ACKR2: variants seen among roughly 807,000 people sequenced by gnomAD.
ACKR2 encodes atypical chemokine receptor 2.
For synonymous variants in ACKR2, 207 were observed against 192.2 expected (o/e 1.08, Z -0.64); for missense variants, 457 against 477.3 (o/e 0.96, Z 0.40).
At chr3:42,831,466 G>T (rs1246435571) in intron 2 of ACKR2, among the ~76,000 whole-genome samples, 2 of 152,166 alleles carry the variant, frequency 1.3e-5, no homozygotes, top group African/African-American at 4.8e-5. Context: ...AATTTCATTG[G>T]CCAATGGCAG....
intron 2 of ACKR2, among the ~76,000 whole-genome samples, chr3:42,820,812 C>A (rs1227424744): frequency 6.7e-6 from 1 of 149,950 alleles, no homozygotes; most frequent in Non-Finnish European, 1.5e-5. Flanking sequence ...GGCAGTGGGA[C>A]TGGGCTAAGG....
At chr3:42,820,972 C>T (rs1351687936) in intron 2 of ACKR2, among the ~76,000 whole-genome samples, 1 of 151,854 alleles carries the variant, frequency 6.6e-6, no homozygotes, top group Non-Finnish European at 1.5e-5. Flanking sequence ...GCCATGTCCG[C>T]CTCCCAGGTT....
At chr3:42,820,592 CAAAAAAAAA>C (rs749184218) in intron 2 of ACKR2, among the ~76,000 whole-genome samples, 20 of 69,796 alleles carry the variant, frequency 2.9e-4, no homozygotes, top group African/African-American at 6.3e-4. Context: ...GACTCTGTCT[CAAAAAAAAA>C]AAAAAAAAAG....
chr3:42,848,798 A>G (rs1046903951), intron 2 of ACKR2, among the ~76,000 whole-genome samples: 5 of 152,226 alleles, frequency 3.3e-5, no homozygotes, highest in South Asian at 4.1e-4. Flanking sequence ...CAAAGTTAAC[A>G]TTGCCAGGAA....
At chr3:42,821,369 C>T (rs964964738) in intron 2 of ACKR2, among the ~76,000 whole-genome samples, 1 of 152,196 alleles carries the variant, frequency 6.6e-6, no homozygotes, top group Non-Finnish European at 1.5e-5. Flanking sequence ...CTGCAATACG[C>T]CAACAGCACA....
intron 1 of ACKR2, among the ~76,000 whole-genome samples, chr3:42,810,407 ACC>A (rs71941559): frequency 6.9e-6 from 1 of 145,802 alleles, no homozygotes; most frequent in African/African-American, 2.5e-5. Flanking sequence ...AATTCATAGT[ACC>A]CCCCCCCAAT....
intron 2 of ACKR2, chr3:42,856,152 AG>A: frequency 2.0e-6 from 1 of 502,054 alleles, no homozygotes; most frequent in Admixed American, 3.7e-5. Flanking sequence ...AGGAGAGGAC[AG>A]GAAGACCAGC....
intron 2 of ACKR2, among the ~76,000 whole-genome samples, chr3:42,861,073 A>G (rs959101755): frequency 1.3e-5 from 2 of 152,222 alleles, no homozygotes; most frequent in African/African-American, 2.4e-5. Flanking sequence ...TGAATCCAGG[A>G]GCTGGTTTTT....
In ACKR2 at chr3:42,860,538, C is replaced by T. The variant is rs572305803; in HGVS notation, c.-37-3928C>T. On this transcript the variant is annotated intron_variant, in intron 2 of 2. Coordinates refer to ENST00000422265, the MANE Select transcript of ACKR2 (RefSeq NM_001296.5). ...TACAGAACTCTCCACCCTAAATCAACAGAATATACATTCTTCTCAGCATCC... is the reference window on the plus strand; with the variant it reads ...TACAGAACTCTCCACCCTAAATCAATAGAATATACATTCTTCTCAGCATCC... 2.6e-5 allele frequency among the ~76,000 whole-genome samples: 4 copies of T among 152,304 alleles called. No individual in the cohort carries two copies. In the South Asian group the frequency reaches 6.2e-4, roughly 24 times the overall value.
intron 2 of ACKR2, among the ~76,000 whole-genome samples, chr3:42,850,361 C>T (rs1431184143): frequency 6.6e-6 from 1 of 152,100 alleles, no homozygotes; most frequent in African/African-American, 2.4e-5. Flanking sequence ...TATCTGTACC[C>T]CCAATAAACT....
chr3:42,821,109 C>T (rs758752466), intron 2 of ACKR2, among the ~76,000 whole-genome samples: 9 of 152,144 alleles, frequency 5.9e-5, no homozygotes, highest in South Asian at 2.1e-4. Context: ...TAGTCTCGAA[C>T]GCCTGACCTC....
chr3:42,843,320 C>A lies in ACKR2; in HGVS notation c.-37-21146C>A, dbSNP rs375143818. Among the ~76,000 whole-genome samples, 40 of 152,180 alleles carry A rather than the reference C, an allele frequency of 2.6e-4. No individual in the cohort carries two copies. In the East Asian group the frequency reaches 7.4e-3, roughly 28 times the overall value. On this transcript the variant is annotated intron_variant, in intron 2 of 2. Transcript: ENST00000422265. ...TCCTGACCTCAAGTGATCTGCCCCC[C>A]CAGCCTCCCAAAGTGCTGGGATTGC...
At position 42,865,949 on chromosome 3, in the gene ACKR2, T is replaced by C. The variant is rs2088432001; in HGVS notation, c.*292T>C. The C allele has an allele frequency of 6.2e-6, 2 of 320,464 alleles. No individual in the cohort carries two copies. The highest frequency in any genetic ancestry group is 2.2e-5 in the African/African-American group (1 of 44,526). The allele number at this position is 320,464 out of a possible 1,614,324, so 19.9% of individuals were successfully genotyped here. The stretch of plus-strand genomic sequence containing the variant: ...CTCCCTCCCTCCCTCGCTTCTTCCC[T>C]TCCTCCTTTCCTCCCTTCCTACTTT... On this transcript the variant is annotated 3_prime_UTR_variant, in exon 3 of 3. Transcript: ENST00000422265.
chr3:42,851,306 G>A (rs1436773358), intron 2 of ACKR2: 1 of 949,010 alleles, frequency 1.1e-6, no homozygotes, highest in Non-Finnish European at 1.3e-6. Flanking sequence ...TTGAAAGCAG[G>A]ATATACATAG....
At position 42,867,134 on chromosome 3, in the gene ACKR2, A is replaced by G. The variant is rs1395618666; in HGVS notation, c.*1477A>G. 1 of 167,038 alleles carries G rather than the reference A, an allele frequency of 6.0e-6. No individual in the cohort carries two copies. The highest frequency in any genetic ancestry group is 6.5e-5 in the Admixed American group (1 of 15,278). 10.3% of individuals were successfully genotyped at this position (167,038 alleles called of 1,614,324 possible). A position where few individuals can be genotyped will look rare whatever the true frequency, so the allele number is the denominator to read the frequency against. ...GCAATTTGCCTGCCTCAGCCTCCCAAAGTGCTGGGATTACAGGCGTGAGCC... is the reference window on the plus strand; with the variant it reads ...GCAATTTGCCTGCCTCAGCCTCCCAGAGTGCTGGGATTACAGGCGTGAGCC... On this transcript the variant is annotated 3_prime_UTR_variant, in exon 3 of 3. Transcript: ENST00000422265.
At chr3:42,854,414 G>A (rs1403521624) in intron 2 of ACKR2, among the ~76,000 whole-genome samples, 1 of 152,132 alleles carries the variant, frequency 6.6e-6, no homozygotes, top group Admixed American at 6.6e-5. Context: ...CCTGCCACTA[G>A]TTGCCGAGGC....
At chr3:42,812,914 C>T (rs1006864164) in intron 1 of ACKR2, among the ~76,000 whole-genome samples, 1 of 152,054 alleles carries the variant, frequency 6.6e-6, no homozygotes, top group East Asian at 1.9e-4. Flanking sequence ...GTCTCAAAGT[C>T]CTGACCTCAA....
At chr3:42,825,865 GTT>G (rs71072740) in intron 2 of ACKR2, among the ~76,000 whole-genome samples, 2 of 134,692 alleles carry the variant, frequency 1.5e-5, no homozygotes. Context: ...TTTTTTTTTT[GTT>G]TTTTTTTTTT....
At chr3:42,860,189 A>AAAAAAAAAAAAACAAAAAAAC (rs376833790) in intron 2 of ACKR2, among the ~76,000 whole-genome samples, 1 of 111,520 alleles carries the variant, frequency 9.0e-6, no homozygotes, top group Non-Finnish European at 1.9e-5. Context: ...AAAAAAAAAA[A>AAAAAAAAAAAAACAAAAAAAC]GCAGGGGATG....
Sources: allele counts gnomAD v4.1 joint callset (sites outside exome capture counted in the v4.1 genomes callset), GRCh38; gene constraint gnomAD v4.1.1; transcripts MANE v1.5; gene names NCBI Gene and HGNC (gene_info 2026-07-23, HGNC 2026-07-21).